TNRC6A: variants seen among roughly 807,000 people sequenced by gnomAD.
The protein encoded by TNRC6A is trinucleotide repeat containing adaptor 6A, also known as trinucleotide repeat-containing gene 6A protein.
A neutral mutation model predicts 221.2 loss-of-function variants in TNRC6A; 44 were observed. The observed-to-expected ratio is 0.20, with a 90% CI of 0.16 to 0.26. TNRC6A has a LOEUF of 0.26. Among genes scored for constraint, TNRC6A ranks in the 10% least tolerant of loss-of-function variants. TNRC6A has a pLI of 1.00. For synonymous variants in TNRC6A, 847 were observed against 838.5 expected (o/e 1.01, Z -0.18); for missense variants, 2,199 against 2,404.4 (o/e 0.91, Z 1.79).
intron 11 of TNRC6A, among the ~76,000 whole-genome samples, chr16:24,802,698 G>T (rs989849172): frequency 6.6e-6 from 1 of 152,212 alleles, no homozygotes; most frequent in African/African-American, 2.4e-5. Context: ...GATAGTGAAT[G>T]AAGTCTAAGG....
chr16:24,690,746 T>C (rs921782465), intron 2 of TNRC6A, among the ~76,000 whole-genome samples: 7 of 152,044 alleles, frequency 4.6e-5, no homozygotes, highest in Non-Finnish European at 8.8e-5. Flanking sequence ...TTCAAGCAAC[T>C]ATAATCACTA....
intron 4 of TNRC6A, among the ~76,000 whole-genome samples, chr16:24,771,435 T>G (rs1401448861): frequency 1.3e-5 from 2 of 152,154 alleles, no homozygotes; most frequent in African/African-American, 2.4e-5. Context: ...TGGGACAGTT[T>G]AGGTAAGATT....
rs1567338918 is a variant in TNRC6A, at chr16:24,666,688, T to TAC, written n.402+25681_402+25682dup. 1.6e-4 allele frequency among the ~76,000 whole-genome samples: 18 copies of TAC among 114,240 alleles called. 1 individual carries two copies. The highest frequency in any genetic ancestry group is 2.3e-4 in the African/African-American group (7 of 31,058). 74.9% of individuals were successfully genotyped at this position (114,240 alleles called of 152,430 possible). A position where few individuals can be genotyped will look rare whatever the true frequency, so the allele number is the denominator to read the frequency against. ...AAAAAAATATATATATATATATATA[T>TAC]ACATATGGCAGGGGCAGGGGCAGTG... is the stretch of plus-strand genomic sequence containing the variant. On this transcript the variant is annotated intron_variant and non_coding_transcript_variant, in intron 2 of 2. Coordinates refer to the TNRC6A transcript ENST00000566108.
chr16:24,789,442 A>G lies in TNRC6A; in HGVS notation c.800A>G (p.Asn267Ser). 6.2e-7 allele frequency: 1 copy of G among 1,614,220 alleles called. No individual in the cohort carries two copies. Among genetic ancestry groups the G allele is most frequent in the Non-Finnish European group, 8.5e-7 (1 of 1,180,036 alleles). ...GCCTCCAGTTCTGAATCAGAGAGAA[A>G]CATCACTATCATGGCTTCAGGGAAC... ...DSASSSESER[N>S]ITIMASGNTG... Residue 267 changes from asparagine (N) to serine (S), a missense_variant, in exon 6 of 25, where the codon AAC becomes AGC. Asn to Ser is a conservative substitution (Grantham distance 46). This residue lies in a region of TNRC6A where 1,405 missense variants were observed against 1,400.2 expected (regional missense o/e 1.00). Coordinates refer to ENST00000395799, the MANE Select transcript of TNRC6A (RefSeq NM_014494.4).
chr16:24,680,927 T>C (rs1228511177), intron 2 of TNRC6A, among the ~76,000 whole-genome samples: 1 of 151,280 alleles, frequency 6.6e-6, no homozygotes, highest in Non-Finnish European at 1.5e-5. Context: ...ACTCGGCTAA[T>C]TAAAAAAAAA....
chr16:24,647,576 C>T (rs1902362378), intron 2 of TNRC6A, among the ~76,000 whole-genome samples: 1 of 152,130 alleles, frequency 6.6e-6, no homozygotes. Context: ...TGTGAACCAT[C>T]ACCACCGTCC....
intron 2 of TNRC6A, among the ~76,000 whole-genome samples, chr16:24,680,806 C>A (rs1264293116): frequency 1.3e-5 from 2 of 151,912 alleles, no homozygotes; most frequent in African/African-American, 2.4e-5. Context: ...GTCACCCATG[C>A]TGGACTGCAA....
At chr16:24,762,111 A>G (rs1474068298) in intron 4 of TNRC6A, among the ~76,000 whole-genome samples, 1 of 152,194 alleles carries the variant, frequency 6.6e-6, no homozygotes, top group Non-Finnish European at 1.5e-5. Context: ...AGAAAAAAGG[A>G]TTGAGATTTT....
At chr16:24,688,884 G>C (rs1221628670) in intron 2 of TNRC6A, among the ~76,000 whole-genome samples, 9 of 152,178 alleles carry the variant, frequency 5.9e-5, no homozygotes, top group South Asian at 2.1e-4. Context: ...GGTTAAACCA[G>C]TTAGAGGTAC....
Position 24,789,272 on chromosome 16 carries a change from C to T in TNRC6A, c.630C>T (p.Ser210=), listed in dbSNP as rs532797636. 112 of 1,610,058 alleles carry T rather than the reference C, an allele frequency of 7.0e-5. No individual in the cohort carries two copies. The African/African-American group carries it at 1.1e-3, about 16-fold the overall frequency. The part of the protein sequence containing the change: ...HSTSGSHYEN[S]QRGPVSSTSD... ...CTTCAGGATCCCATTATGAAAATTC[C>T]CAGCGGGGACCTGTGTCTTCTACAA... The change falls in exon 6 of 25, where the codon TCC becomes TCT. Residue 210 remains serine, a synonymous_variant. Coordinates refer to ENST00000395799, the MANE Select transcript of TNRC6A (RefSeq NM_014494.4).
At chr16:24,758,659 C>T (rs2057301408) in intron 4 of TNRC6A, among the ~76,000 whole-genome samples, 1 of 152,138 alleles carries the variant, frequency 6.6e-6, no homozygotes, top group Non-Finnish European at 1.5e-5. Context: ...GGCACCTTTC[C>T]TTCAGTCTTC....
In TNRC6A at chr16:24,730,238, GT is replaced by G. The variant is rs759181766; in HGVS notation, c.6-8del. On this transcript the variant is annotated splice_polypyrimidine_tract_variant and intron_variant, in intron 1 of 24. Transcript: ENST00000395799. ...GTGTTTTTGTTTTGTTTTTGTTTTT[GT>G]TTTTTTGTTTCAGAGAATTGGAAGC... is the stretch of plus-strand genomic sequence containing the variant. 3.2e-6 allele frequency: 5 copies of G among 1,562,312 alleles called. No individual in the cohort carries two copies. Among genetic ancestry groups the G allele is most frequent in the South Asian group, 1.2e-5 (1 of 86,348 alleles).
upstream of TNRC6A, among the ~76,000 whole-genome samples, chr16:24,728,636 G>C (rs1455648705): frequency 3.3e-5 from 5 of 152,096 alleles, no homozygotes; most frequent in African/African-American, 4.8e-5. Context: ...AAGAACACAC[G>C]CAAGTGAAAA....
At chr16:24,634,727 T>C (rs564145229) in intron 1 of TNRC6A, among the ~76,000 whole-genome samples, 3 of 152,306 alleles carry the variant, frequency 2.0e-5, no homozygotes, top group Non-Finnish European at 4.4e-5. Flanking sequence ...GGATTCCAGA[T>C]TACAACAAGG....
chr16:24,751,773 AG>A (rs1328799056), intron 3 of TNRC6A, among the ~76,000 whole-genome samples: 1 of 152,194 alleles, frequency 6.6e-6, no homozygotes, highest in Non-Finnish European at 1.5e-5. Flanking sequence ...ATTATTTAAT[AG>A]GGGAAAACAC....
chr16:24,805,089 C>T lies in TNRC6A; in HGVS notation c.4060C>T (p.Pro1354Ser). The change falls in exon 14 of 25, where the codon CCT (proline) becomes TCT (serine). Residue 1354 changes from proline to serine, a missense_variant. Coordinates refer to ENST00000395799, the MANE Select transcript of TNRC6A (RefSeq NM_014494.4). ...PRGMQQPPAQ[P>S]LSSSQPNLRA... is the part of the protein sequence containing the mutation. Reference sequence around the variant, plus strand: ...GGGCATGCAGCAGCCTCCAGCACAACCTCTTAGTTCATCTCAGCCTAATCT... The same window carrying T: ...GGGCATGCAGCAGCCTCCAGCACAATCTCTTAGTTCATCTCAGCCTAATCT... 1.9e-6 allele frequency: 3 copies of T among 1,614,182 alleles called. No homozygotes were observed. Among genetic ancestry groups the T allele is most frequent in the Non-Finnish European group, 2.5e-6 (3 of 1,180,028 alleles).
At chr16:24,699,007 C>A (rs960129890) in intron 2 of TNRC6A, among the ~76,000 whole-genome samples, 1 of 152,108 alleles carries the variant, frequency 6.6e-6, no homozygotes, top group African/African-American at 2.4e-5. Flanking sequence ...ACACTCCTGG[C>A]CCTTTGGGGA....
chr16:24,771,600 TTATG>T (rs762032389), intron 4 of TNRC6A, among the ~76,000 whole-genome samples: 1 of 142,064 alleles, frequency 7.0e-6, no homozygotes, highest in Non-Finnish European at 1.5e-5. Context: ...TTATGTTATG[TTATG>T]TTATGTTATG....
chr16:24,786,903 A>G (rs7202871), intron 5 of TNRC6A, among the ~76,000 whole-genome samples: 122,957 of 152,160 alleles, frequency 0.81, 50,205 homozygotes, highest in African/African-American at 0.94. Context: ...GGATGGTCTC[A>G]AACTCCAGAC....
Sources: gnomAD v4.1 joint callset for allele counts (sites outside exome capture counted in the v4.1 genomes callset) on GRCh38, gnomAD v4.1.1 for gene constraint, gnomAD v4.1.1 regional missense constraint, MANE v1.5 for transcripts, NCBI Gene and HGNC (gene_info 2026-07-23, HGNC 2026-07-21) for gene names.